RASAL2: variants seen among roughly 807,000 people sequenced by gnomAD.
RASAL2 encodes RAS protein activator like 2, also known as ras GTPase-activating protein nGAP.
Under a neutral mutation model 128.9 loss-of-function variants are expected in RASAL2, and 58 were observed. That is an observed-to-expected ratio of 0.45 (90% CI 0.36 to 0.56). The LOEUF (loss-of-function observed/expected upper bound fraction) is 0.56, where lower values mean the gene tolerates loss of function less well. RASAL2 is among the 20% of genes least tolerant of loss of function. RASAL2 has a pLI of 0.00. For missense variants in RASAL2, 1,360 were observed against 1,601.6 expected (o/e 0.85, Z 2.57); for synonymous variants, 561 against 580.8 (o/e 0.97, Z 0.49).
intron 1 of RASAL2, among the ~76,000 whole-genome samples, chr1:178,226,653 A>T (rs1450047077): frequency 6.6e-6 from 1 of 152,214 alleles, no homozygotes; most frequent in Non-Finnish European, 1.5e-5. Flanking sequence ...GAATACAGAA[A>T]ACTGTATCCA....
intron 12 of RASAL2, among the ~76,000 whole-genome samples, chr1:178,456,267 A>G (rs1450973042): frequency 6.6e-6 from 1 of 152,022 alleles, no homozygotes; most frequent in Non-Finnish European, 1.5e-5. Context: ...TTCTCACATG[A>G]TCCCTTTTCT....
chr1:178,374,608 C>T (rs1422488943), intron 3 of RASAL2, among the ~76,000 whole-genome samples: 1 of 152,056 alleles, frequency 6.6e-6, no homozygotes, highest in Non-Finnish European at 1.5e-5. Context: ...GTTAAAAAAC[C>T]TTCCATGGTT....
chr1:178,162,363 T>C (rs1229238718), intron 1 of RASAL2, among the ~76,000 whole-genome samples: 1 of 124,826 alleles, frequency 8.0e-6, no homozygotes, highest in Non-Finnish European at 1.6e-5. Flanking sequence ...ATATATAATA[T>C]ACATATAATA....
At chr1:178,308,118 G>A (rs1668078920) in intron 3 of RASAL2, among the ~76,000 whole-genome samples, 1 of 152,024 alleles carries the variant, frequency 6.6e-6, no homozygotes, top group African/African-American at 2.4e-5. Flanking sequence ...TATAAAAACT[G>A]TGCCTGTGAT....
intron 5 of RASAL2, among the ~76,000 whole-genome samples, chr1:178,425,755 G>A (rs555587682): frequency 6.6e-6 from 1 of 152,198 alleles, no homozygotes; most frequent in African/African-American, 2.4e-5. Context: ...CTTTCCAGCT[G>A]AGTTATCTCC....
At chr1:178,230,461 T>C (rs1322338591) in intron 1 of RASAL2, among the ~76,000 whole-genome samples, 3 of 152,192 alleles carry the variant, frequency 2.0e-5, no homozygotes, top group Non-Finnish European at 4.4e-5. Context: ...CATGTGGTTT[T>C]ATCAGCCTTT....
At chr1:178,270,979 G>A (rs767964391) in intron 1 of RASAL2, among the ~76,000 whole-genome samples, 1 of 152,158 alleles carries the variant, frequency 6.6e-6, no homozygotes, top group East Asian at 1.9e-4. Context: ...GTTTAGAGTA[G>A]CCTTTTCTCA....
At chr1:178,176,009 A>G (rs1213082841) in intron 1 of RASAL2, among the ~76,000 whole-genome samples, 5 of 152,196 alleles carry the variant, frequency 3.3e-5, no homozygotes, top group Admixed American at 2.6e-4. Flanking sequence ...TTATACAACA[A>G]TAAACATACA....
At chr1:178,389,316 C>T (rs985671157) in intron 3 of RASAL2, 25 of 950,564 alleles carry the variant, frequency 2.6e-5, no homozygotes, top group African/African-American at 2.3e-4. Context: ...AGGTATAATA[C>T]GTATATATCT....
chr1:178,242,884 G>A (rs753756836), intron 1 of RASAL2, among the ~76,000 whole-genome samples: 9 of 151,772 alleles, frequency 5.9e-5, no homozygotes, highest in Non-Finnish European at 1.2e-4. Context: ...TCTTTTATAA[G>A]GTTTTTTTCT....
intron 4 of RASAL2, among the ~76,000 whole-genome samples, chr1:178,414,574 A>T (rs1361092153): frequency 6.6e-6 from 1 of 151,784 alleles, no homozygotes; most frequent in Non-Finnish European, 1.5e-5. Flanking sequence ...GGAACATTGG[A>T]AATCTTTATA....
At chr1:178,456,076 A>G (rs1218605775) in intron 12 of RASAL2, among the ~76,000 whole-genome samples, 1 of 152,188 alleles carries the variant, frequency 6.6e-6, no homozygotes, top group Non-Finnish European at 1.5e-5. Context: ...TCATAGAGGA[A>G]GTTTACCTGA....
At chr1:178,206,544 T>G (rs1459324876) in intron 1 of RASAL2, among the ~76,000 whole-genome samples, 1 of 152,202 alleles carries the variant, frequency 6.6e-6, no homozygotes, top group Non-Finnish European at 1.5e-5. Context: ...GGAATAGAAC[T>G]AATACTGGGC....
At chr1:178,448,989 G>C (rs964250367) in intron 9 of RASAL2, among the ~76,000 whole-genome samples, 3 of 152,246 alleles carry the variant, frequency 2.0e-5, no homozygotes, top group African/African-American at 7.2e-5. Flanking sequence ...CTGCTTCTAA[G>C]AGCATAAGCA....
chr1:178,348,133 G>A (rs1670248258), intron 3 of RASAL2, among the ~76,000 whole-genome samples: 1 of 152,152 alleles, frequency 6.6e-6, no homozygotes. Flanking sequence ...CCTTATGGGG[G>A]TAATAACTGC....
At chr1:178,254,611 T>C (rs1313933397) in intron 1 of RASAL2, among the ~76,000 whole-genome samples, 1 of 152,188 alleles carries the variant, frequency 6.6e-6, no homozygotes, top group Non-Finnish European at 1.5e-5. Context: ...CTCCCACTAC[T>C]GAGCTCACTG....
At position 178,133,781 on chromosome 1, in the gene RASAL2, G is replaced by C. The variant is rs979593480; in HGVS notation, c.202+39087G>C. ...GTAAGTAATAGTGCTAAGTTTGTCA[G>C]TGCCTCTCTTTCTTACTGTACTTAA... On this transcript the variant is annotated intron_variant, in intron 1 of 17. Coordinates refer to ENST00000367649, the MANE Select transcript of RASAL2 (RefSeq NM_170692.4). Among the ~76,000 whole-genome samples, 6 of 152,256 alleles carry C rather than the reference G, an allele frequency of 3.9e-5. No individual in the cohort carries two copies. The South Asian group carries it at 6.2e-4, about 16-fold the overall frequency.
intron 1 of RASAL2, among the ~76,000 whole-genome samples, chr1:178,096,503 T>G (rs74128842): frequency 6.7e-6 from 1 of 150,094 alleles, no homozygotes; most frequent in East Asian, 2.0e-4. Flanking sequence ...AGAGAGAGAG[T>G]GAGAGCAAGT....
intron 2 of RASAL2, among the ~76,000 whole-genome samples, chr1:178,297,465 G>C (rs908573672): frequency 6.6e-6 from 1 of 151,382 alleles, no homozygotes; most frequent in South Asian, 2.1e-4. Flanking sequence ...AAATCAGCTG[G>C]GCGTGGTGGC....
Sources: allele counts gnomAD v4.1 joint callset (sites outside exome capture counted in the v4.1 genomes callset), GRCh38; gene constraint gnomAD v4.1.1; transcripts MANE v1.5; gene names NCBI Gene and HGNC (gene_info 2026-07-23, HGNC 2026-07-21).